The following SMC4 variants were observed in gnomAD, a reference collection of about 807,000 sequenced individuals.
SMC4 encodes structural maintenance of chromosomes 4.
SMC4 carries 87 observed loss-of-function variants against 145.6 expected under a neutral mutation model. The ratio of observed to expected loss-of-function variants is 0.60; its 90% CI spans 0.50 to 0.71. The LOEUF is 0.71. SMC4 is among the 30% of genes least tolerant of loss of function. The pLI, the probability that SMC4 is intolerant of heterozygous loss-of-function variation, is 0.00. For synonymous variants in SMC4, 558 were observed against 500.7 expected, an observed-to-expected ratio of 1.11 and a Z score of -1.53; for missense variants, 1,447 against 1,537.1, an observed-to-expected ratio of 0.94 and a Z score of 0.98.
Position 160,425,969 on chromosome 3 carries a change from AGT to A in SMC4, c.2479-98_2479-97del, listed in dbSNP as rs1414761693. 23 of 816,070 alleles carry A rather than the reference AGT, an allele frequency of 2.8e-5. No homozygotes were observed. The East Asian group carries it at 4.9e-4, about 17-fold the overall frequency. 50.6% of individuals were successfully genotyped at this position (816,070 alleles called of 1,614,324 possible). On this transcript the variant is annotated intron_variant, in intron 16 of 23. Transcript: ENST00000357388. ...GGCACATATCTTTCCTCTTCCTATT[AGT>A]GTGTGTCTTTTTCTTGAAGATTTTA...
At chr3:160,420,964 C>G (rs1482165738) in intron 13 of SMC4, 63 bp downstream of exon 13, 1 of 1,373,876 alleles carries the variant, frequency 7.3e-7, no homozygotes, top group Middle Eastern at 2.6e-4. Context: ...TAGTCTCGCT[C>G]TGTCACCCAG....
In SMC4 at chr3:160,417,791, C is replaced by T. The variant is rs577365349; in HGVS notation, c.1506C>T (p.Ala502=). 23 of 1,613,408 alleles carry T rather than the reference C, an allele frequency of 1.4e-5. No homozygotes were observed. The South Asian group carries it at 1.9e-4, about 13-fold the overall frequency. ...VNEARSKMDV[A]QSELDIYLSR... Reference sequence around the variant, plus strand: ...AAGCACGTTCAAAGATGGATGTAGCCCAGTCAGAACTTGATATCTATCTCA... The same window carrying T: ...AAGCACGTTCAAAGATGGATGTAGCTCAGTCAGAACTTGATATCTATCTCA... Residue 502 remains alanine (A), a synonymous_variant, in exon 11 of 24, where the codon GCC becomes GCT. Coordinates refer to ENST00000357388, the MANE Select transcript of SMC4 (RefSeq NM_001002800.3).
chr3:160,424,186 T>C (rs1473152580), intron 15 of SMC4, among the ~76,000 whole-genome samples: 1 of 152,236 alleles, frequency 6.6e-6, no homozygotes, highest in African/African-American at 2.4e-5. Flanking sequence ...AAAATAATTC[T>C]TTAAAAGTAT....
chr3:160,402,342 G>A (rs1714791441), intron 3 of SMC4, among the ~76,000 whole-genome samples: 1 of 152,108 alleles, frequency 6.6e-6, no homozygotes, highest in Non-Finnish European at 1.5e-5. Flanking sequence ...ATTGAATGGA[G>A]TCGGTGTGTG....
chr3:160,428,408 T>C (rs1205182278), intron 17 of SMC4, among the ~76,000 whole-genome samples: 1 of 152,156 alleles, frequency 6.6e-6, no homozygotes, highest in Non-Finnish European at 1.5e-5. Flanking sequence ...TAATATTGAG[T>C]TAGGCACATA....
chr3:160,424,809 TC>T, intron 15 of SMC4, 57 bp from the exon 16 acceptor site: 1 of 1,598,852 alleles, frequency 6.3e-7, no homozygotes, highest in South Asian at 1.1e-5. Flanking sequence ...TTAGTTTTCT[TC>T]GTAAGTTGAC....
chr3:160,424,603 T>C (rs1156501031), intron 15 of SMC4, among the ~76,000 whole-genome samples: 1 of 151,992 alleles, frequency 6.6e-6, no homozygotes, highest in African/African-American at 2.4e-5. Flanking sequence ...GGTCAGGAGT[T>C]CAAGACCAGC....
chr3:160,407,571 TC>T (rs1343108267), intron 5 of SMC4, among the ~76,000 whole-genome samples: 1 of 151,136 alleles, frequency 6.6e-6, no homozygotes, highest in African/African-American at 2.4e-5. Context: ...ATAGCCAAGT[TC>T]TTTTTTTTTT....
Position 160,424,873 on chromosome 3 carries a change from A to G in SMC4, c.2332A>G (p.Lys778Glu), listed in dbSNP as rs761745850. The G allele has an allele frequency of 4.3e-6, 7 of 1,613,640 alleles. No homozygotes were observed. Among genetic ancestry groups the G allele is most frequent in the East Asian group, 2.2e-5 (1 of 44,864 alleles). ...GAGAAAACTTTCTTTGTAGGTAAAC[A>G]AAATGGAATCACAGTTGCAAAACGA... Reference protein sequence around the residue: ...VIEISEEEVNKMESQLQNDSK... With the variant: ...VIEISEEEVNEMESQLQNDSK... Residue 778 changes from lysine (K) to glutamate (E), a missense_variant, in exon 16 of 24, where the codon AAA (lysine) becomes GAA (glutamate). Coordinates refer to ENST00000357388, the MANE Select transcript of SMC4 (RefSeq NM_001002800.3).
intron 7 of SMC4, chr3:160,412,825 T>A (rs1230462537): frequency 5.1e-6 from 5 of 986,218 alleles, no homozygotes; most frequent in Middle Eastern, 5.1e-4. Context: ...AGTTGACTTT[T>A]TAGTATCCTG....
chr3:160,426,718 C>G (rs1717832663), intron 17 of SMC4, among the ~76,000 whole-genome samples: 1 of 152,172 alleles, frequency 6.6e-6, no homozygotes. Flanking sequence ...AGAATTGGCT[C>G]TGTAGCCTTA....
At chr3:160,404,191 A>C in intron 4 of SMC4, 137 bp from the exon 5 acceptor site, 1 of 683,888 alleles carries the variant, frequency 1.5e-6, no homozygotes, top group East Asian at 2.9e-5. Flanking sequence ...AATGAGAACT[A>C]CTGGCAGTTT....
chr3:160,407,111 T>C (rs1047105820), intron 5 of SMC4, among the ~76,000 whole-genome samples: 1 of 152,186 alleles, frequency 6.6e-6, no homozygotes, highest in Non-Finnish European at 1.5e-5. Context: ...ATGGTTAATG[T>C]TTTTACTAAA....
At chr3:160,429,591 C>T (rs1485455619) in intron 18 of SMC4, among the ~76,000 whole-genome samples, 5 of 151,914 alleles carry the variant, frequency 3.3e-5, no homozygotes, top group Non-Finnish European at 5.9e-5. Flanking sequence ...AAGCAGTCCT[C>T]TTGCCTTGGC....
intron 9 of SMC4, 33 bp downstream of exon 9, chr3:160,414,550 C>T (rs746896156): frequency 1.9e-6 from 3 of 1,577,830 alleles, no homozygotes; most frequent in South Asian, 1.1e-5. Context: ...TAAAATTTCA[C>T]GTCTGAATAT....
chr3:160,430,860 C>G, intron 19 of SMC4, 117 bp downstream of exon 19: 2 of 1,280,336 alleles, frequency 1.6e-6, no homozygotes, highest in Admixed American at 2.9e-5. Context: ...AGTTTTATAA[C>G]TATCAATTTT....
At position 160,412,443 on chromosome 3, in the gene SMC4, C is replaced by A; in HGVS notation, c.970C>A (p.Gln324Lys). 6.2e-7 allele frequency: 1 copy of A among 1,601,430 alleles called. No individual in the cohort carries two copies. Among genetic ancestry groups the A allele is most frequent in the South Asian group, 1.1e-5 (1 of 89,878 alleles). ...EIFRKKNHVCQYYIYELQKRI... is the reference protein window; with the variant it reads ...EIFRKKNHVCKYYIYELQKRI... ...ATTTAGAAAAAAGAATCATGTTTGT[C>A]AATATTATATGTAAGTGCCTTGATT... is the stretch of plus-strand genomic sequence containing the variant. Residue 324 changes from glutamine (Q) to lysine (K), a missense_variant, in exon 7 of 24, where the codon CAA (glutamine) becomes AAA (lysine). Gln to Lys is a moderately conservative substitution (Grantham distance 53). Transcript: ENST00000357388.
intron 7 of SMC4, among the ~76,000 whole-genome samples, chr3:160,413,264 G>A (rs932829784): frequency 2.0e-5 from 3 of 151,908 alleles, no homozygotes; most frequent in Non-Finnish European, 2.9e-5. Context: ...GATTACAGGC[G>A]TCGGCCACCA....
In SMC4 at chr3:160,424,875, A is replaced by G; in HGVS notation, c.2334A>G (p.Lys778=). 4 of 1,613,754 alleles carry G rather than the reference A, an allele frequency of 2.5e-6. No individual in the cohort carries two copies. The highest frequency in any genetic ancestry group is 3.4e-6 in the Non-Finnish European group (4 of 1,179,936). ...GAAAACTTTCTTTGTAGGTAAACAA[A>G]ATGGAATCACAGTTGCAAAACGACT... ...VIEISEEEVN[K]MESQLQNDSK... The change falls in exon 16 of 24, where the codon AAA becomes AAG. Residue 778 remains lysine (K), a synonymous_variant. Transcript: ENST00000357388.
Sources: gnomAD v4.1 joint callset for allele counts (sites outside exome capture counted in the v4.1 genomes callset) on GRCh38, gnomAD v4.1.1 for gene constraint, MANE v1.5 for transcripts, NCBI Gene and HGNC (gene_info 2026-07-23, HGNC 2026-07-21) for gene names.